Variants in PANK1 observed in about 807,000 individuals in gnomAD.
PANK1 encodes pantothenate kinase 1.
PANK1 carries 18 observed loss-of-function variants against 40.1 expected under a neutral mutation model. That is an observed-to-expected ratio of 0.45 (90% CI 0.31 to 0.67). PANK1 has a LOEUF of 0.67. Among genes scored for constraint, PANK1 ranks in the 30% least tolerant of loss-of-function variants. The pLI is 0.06. For synonymous variants in PANK1, 242 were observed against 237.7 expected, an observed-to-expected ratio of 1.02 and a Z score of -0.17; for missense variants, 457 against 599.6, an observed-to-expected ratio of 0.76 and a Z score of 2.48.
At chr10:89,605,979 G>A (rs1844953494) in intron 2 of PANK1, among the ~76,000 whole-genome samples, 1 of 152,146 alleles carries the variant, frequency 6.6e-6, no homozygotes, top group Admixed American at 6.6e-5. Context: ...TAGAACTCTT[G>A]GGTGACTAGT....
intron 1 of PANK1, chr10:89,643,671 C>A: frequency 1.3e-6 from 2 of 1,539,116 alleles, no homozygotes; most frequent in South Asian, 2.2e-5. Context: ...CAAATGCAGT[C>A]ATTTATTAGC....
At chr10:89,625,733 TAAAAAAAAAGAA>T (rs1294982782) in intron 1 of PANK1, 3 of 86,084 alleles carry the variant, frequency 3.5e-5, no homozygotes, top group African/African-American at 9.0e-5. Context: ...TAGGTTAAGA[TAAAAAAAAAGAA>T]AAAAAAAAAG....
intron 3 of PANK1, among the ~76,000 whole-genome samples, chr10:89,594,512 A>T (rs1175573706): frequency 6.6e-6 from 1 of 152,228 alleles, no homozygotes; most frequent in Non-Finnish European, 1.5e-5. Flanking sequence ...GGCCTGTCTT[A>T]AAAGCTGTGT....
chr10:89,609,257 G>A (rs1181635045), intron 2 of PANK1, among the ~76,000 whole-genome samples: 1 of 152,100 alleles, frequency 6.6e-6, no homozygotes, highest in East Asian at 1.9e-4. Context: ...TAGAGACAGG[G>A]TTACACCATG....
At chr10:89,611,029 G>A (rs1411919872) in intron 2 of PANK1, among the ~76,000 whole-genome samples, 5 of 152,038 alleles carry the variant, frequency 3.3e-5, no homozygotes, top group Non-Finnish European at 5.9e-5. Context: ...TTACTTATCC[G>A]TATCTTCCAT....
intron 5 of PANK1, among the ~76,000 whole-genome samples, chr10:89,591,925 A>G (rs769696968): frequency 3.9e-5 from 6 of 152,194 alleles, no homozygotes; most frequent in Non-Finnish European, 5.9e-5. Context: ...AAGGGCATCT[A>G]TTGCTCTGTG....
intron 3 of PANK1, 153 bp downstream of exon 3, chr10:89,599,099 C>A: frequency 1.5e-6 from 1 of 661,542 alleles, no homozygotes; most frequent in Non-Finnish European, 2.6e-6. Flanking sequence ...CACCCACATA[C>A]CACTTTAACA....
chr10:89,625,565 G>C (rs956688743), intron 1 of PANK1: 1 of 152,068 alleles, frequency 6.6e-6, no homozygotes, highest in Non-Finnish European at 1.5e-5. Flanking sequence ...CCATAAAGAG[G>C]TTAGCTCTAG....
At chr10:89,636,765 G>A (rs115409610) in intron 1 of PANK1, among the ~76,000 whole-genome samples, 3,889 of 150,562 alleles carry the variant, frequency 0.026, 168 homozygotes, top group African/African-American at 0.091. Flanking sequence ...TCCACAAGTC[G>A]TGTACTCTGC....
chr10:89,631,296 G>C (rs1483370469), intron 1 of PANK1, among the ~76,000 whole-genome samples: 2 of 152,220 alleles, frequency 1.3e-5, no homozygotes, highest in African/African-American at 2.4e-5. Context: ...TAACTAGTTT[G>C]ATCCCAGGAA....
In PANK1 at chr10:89,644,585, C is replaced by T. The variant is rs200918734; in HGVS notation, c.292+15G>A. The T allele has an allele frequency of 6.3e-7, 1 of 1,582,320 alleles. No homozygotes were observed. Among genetic ancestry groups the T allele is most frequent in the Admixed American group, 1.7e-5 (1 of 58,740 alleles). ...GTCTGCCTTGCGCCCGCGCTCCCCT[C>T]CCAGCGGGACTTACGCGGCCTGTTC... On this transcript the variant is annotated intron_variant, in intron 1 of 6. Coordinates refer to ENST00000307534, the MANE Select transcript of PANK1 (RefSeq NM_148977.3).
At chr10:89,609,965 G>C (rs1222084589) in intron 2 of PANK1, among the ~76,000 whole-genome samples, 1 of 152,194 alleles carries the variant, frequency 6.6e-6, no homozygotes, top group Admixed American at 6.5e-5. Flanking sequence ...CTCTCCAGTG[G>C]AAATGGACAG....
intron 2 of PANK1, among the ~76,000 whole-genome samples, chr10:89,605,929 T>C (rs1286281822): frequency 6.6e-6 from 1 of 152,238 alleles, no homozygotes; most frequent in Non-Finnish European, 1.5e-5. Context: ...GATATTGTAT[T>C]AATAGGCATG....
intron 2 of PANK1, among the ~76,000 whole-genome samples, chr10:89,610,723 C>T (rs1450864888): frequency 6.6e-6 from 1 of 152,232 alleles, no homozygotes; most frequent in Non-Finnish European, 1.5e-5. Context: ...ATTTGTACTA[C>T]AGGCTTTGAG....
At chr10:89,639,963 A>G (rs751993727) in intron 1 of PANK1, among the ~76,000 whole-genome samples, 2 of 152,252 alleles carry the variant, frequency 1.3e-5, no homozygotes, top group Admixed American at 6.5e-5. Context: ...AAAGTTTTAC[A>G]GAACACACTT....
In PANK1 at chr10:89,644,913, G is replaced by A; in HGVS notation, c.-22C>T. On this transcript the variant is annotated 5_prime_UTR_variant, in exon 1 of 7. Coordinates refer to ENST00000307534, the MANE Select transcript of PANK1 (RefSeq NM_148977.3). Reference sequence around the variant, plus strand: ...CCATGCCGGGGGCTGGCGGGGCTGTGCGCGGGCCCCGGCTCAGGCGGCCTC... The same window carrying A: ...CCATGCCGGGGGCTGGCGGGGCTGTACGCGGGCCCCGGCTCAGGCGGCCTC... 1 of 1,538,590 alleles carries A rather than the reference G, an allele frequency of 6.5e-7. No homozygotes were observed. The highest frequency in any genetic ancestry group is 1.2e-5 in the South Asian group (1 of 82,838).
intron 2 of PANK1, 105 bp from the exon 3 acceptor site, chr10:89,599,610 T>A: frequency 1.9e-6 from 2 of 1,080,956 alleles, no homozygotes; most frequent in Non-Finnish European, 2.7e-6. Context: ...ATGAAAAGCA[T>A]GGAGACACCC....
chr10:89,629,035 G>C (rs1049165913), intron 1 of PANK1, among the ~76,000 whole-genome samples: 1 of 152,190 alleles, frequency 6.6e-6, no homozygotes. Flanking sequence ...TGCTGTGTCC[G>C]AATGCAGAGA....
At chr10:89,584,584 T>A in intron 6 of PANK1, 119 bp from the exon 7 acceptor site, 1 of 670,560 alleles carries the variant, frequency 1.5e-6, no homozygotes, top group Admixed American at 2.4e-5. Context: ...AAATTGTGTG[T>A]CACAAAACAT....
Sources: gnomAD v4.1 joint callset for allele counts (sites outside exome capture counted in the v4.1 genomes callset) on GRCh38, gnomAD v4.1.1 for gene constraint, MANE v1.5 for transcripts, NCBI Gene and HGNC (gene_info 2026-07-23, HGNC 2026-07-21) for gene names.